The following SHE variants were observed in gnomAD, a reference collection of about 807,000 sequenced individuals.
SHE encodes the protein SH2 domain-containing adapter protein E.
SHE carries 11 observed loss-of-function variants against 49.8 expected under a neutral mutation model. That is an observed-to-expected ratio of 0.22 (90% confidence interval 0.14 to 0.37). The LOEUF is 0.37. Among genes scored for constraint, SHE ranks in the 10% least tolerant of loss-of-function variants. SHE has a pLI of 1.00. For missense variants in SHE, 624 were observed against 655.5 expected (o/e 0.95, Z 0.52); for synonymous variants, 310 against 278.1 (o/e 1.11, Z -1.14).
At position 154,484,119 on chromosome 1, in the gene SHE, C is replaced by T; in HGVS notation, c.*30G>A. 1 of 1,599,086 alleles carries T rather than the reference C, an allele frequency of 6.3e-7. No homozygotes were observed. Among genetic ancestry groups the T allele is most frequent in the Non-Finnish European group, 8.6e-7 (1 of 1,169,298 alleles). On this transcript the variant is annotated 3_prime_UTR_variant, in exon 6 of 6. Transcript: ENST00000304760. Reference sequence around the variant, plus strand: ...GCGCTGATGATGCCCTTGAAGGTGCCAGAGGCCCAGGGCTTGCAGTGGCTG... The same window carrying T: ...GCGCTGATGATGCCCTTGAAGGTGCTAGAGGCCCAGGGCTTGCAGTGGCTG...
chr1:154,488,632 G>A (rs1571051481), intron 3 of SHE, among the ~76,000 whole-genome samples: 1 of 152,238 alleles, frequency 6.6e-6, no homozygotes, highest in South Asian at 2.1e-4. Flanking sequence ...TGTCACCCAG[G>A]TTGAAATGCA....
At chr1:154,477,501 T>C (rs776451381), downstream of SHE, among the ~76,000 whole-genome samples, 3 of 152,072 alleles carry the variant, frequency 2.0e-5, no homozygotes, top group Non-Finnish European at 4.4e-5. Flanking sequence ...CCACTACACT[T>C]GGCCTATGTT....
At chr1:154,477,263 C>T (rs1691899088), downstream of SHE, among the ~76,000 whole-genome samples, 1 of 152,218 alleles carries the variant, frequency 6.6e-6, no homozygotes, top group Non-Finnish European at 1.5e-5. Flanking sequence ...CACAGGTGAC[C>T]TGAATGTCCA....
Position 154,501,893 on chromosome 1 carries a change from A to G in SHE, c.134T>C (p.Phe45Ser). ...PLMAAKWFKE[F>S]PLNLKTVSER... is the part of the protein sequence containing the mutation. Reference sequence around the variant, plus strand: ...CGACACGGTCTTCAGGTTCAGGGGGAACTCCTTGAACCACTTGGCCGCCAT... The same window carrying G: ...CGACACGGTCTTCAGGTTCAGGGGGGACTCCTTGAACCACTTGGCCGCCAT... The change falls in exon 1 of 6, where the codon TTC becomes TCC. Residue 45 changes from phenylalanine to serine, a missense_variant. This residue lies in a region of SHE where 337 missense variants were observed against 306.0 expected (regional missense o/e 1.10). Coordinates refer to ENST00000304760, the MANE Select transcript of SHE (RefSeq NM_001010846.3). 1 of 1,524,814 alleles carries G rather than the reference A, an allele frequency of 6.6e-7. No homozygotes were observed. The highest frequency in any genetic ancestry group is 8.7e-7 in the Non-Finnish European group (1 of 1,143,582). The allele number at this position is 1,524,814 out of a possible 1,614,324, so 94.5% of individuals were successfully genotyped here. A position where few individuals can be genotyped will look rare whatever the true frequency, so the allele number is the denominator to read the frequency against.
intron 2 of SHE, among the ~76,000 whole-genome samples, chr1:154,494,240 A>C (rs1692455265): frequency 6.6e-6 from 1 of 152,234 alleles, no homozygotes; most frequent in Non-Finnish European, 1.5e-5. Flanking sequence ...TCTGAACAAA[A>C]GCAGGTACAA....
chr1:154,486,565 T>C lies in SHE; in HGVS notation c.1143A>G (p.Gly381=). 6.2e-7 allele frequency: 1 copy of C among 1,614,158 alleles called. No homozygotes were observed. Among genetic ancestry groups the C allele is most frequent in the South Asian group, 1.1e-5 (1 of 91,074 alleles). The change falls in exon 4 of 6, where the codon GGA becomes GGG. Residue 381 remains glycine, a synonymous_variant. Coordinates refer to ENST00000304760, the MANE Select transcript of SHE (RefSeq NM_001010846.3). ...LKPALSDHSE[G]EKVDPGLPLE... is the part of the protein sequence containing the mutation. ...GGGGCAGGCCCGGGTCCACTTTCTC[T>C]CCCTCACTGTGGTCCGAGAGGGCTG... is the stretch of plus-strand genomic sequence containing the variant.
At position 154,483,415 on chromosome 1, in the gene SHE, A is replaced by T; in HGVS notation, c.*734T>A. 2 of 985,400 alleles carry T rather than the reference A, an allele frequency of 2.0e-6. No individual in the cohort carries two copies. Among genetic ancestry groups the T allele is most frequent in the Non-Finnish European group, 2.4e-6 (2 of 829,932 alleles). The allele number at this position is 985,400 out of a possible 1,614,324, so 61.0% of individuals were successfully genotyped here. A position where few individuals can be genotyped will look rare whatever the true frequency, so the allele number is the denominator to read the frequency against. On this transcript the variant is annotated 3_prime_UTR_variant, in exon 6 of 6. Coordinates refer to ENST00000304760, the MANE Select transcript of SHE (RefSeq NM_001010846.3). ...CATTCATTTCCCCAATAACGAGTCC[A>T]ATATAACATCCTCTTCCAGTCTGCA...
rs1406407906 is a variant in SHE, at chr1:154,479,967, T to C, written c.*4182A>G. On this transcript the variant is annotated 3_prime_UTR_variant, in exon 6 of 6. Coordinates refer to ENST00000304760, the MANE Select transcript of SHE (RefSeq NM_001010846.3). ...TCCTTCAGAAAGCCCTACCCTTAAATGCACAGCTGCTTTTCCCAACTGCAG... is the reference window on the plus strand; with the variant it reads ...TCCTTCAGAAAGCCCTACCCTTAAACGCACAGCTGCTTTTCCCAACTGCAG... 5 of 985,338 alleles carry C rather than the reference T, an allele frequency of 5.1e-6. No homozygotes were observed. Among genetic ancestry groups the C allele is most frequent in the Non-Finnish European group, 6.0e-6 (5 of 829,954 alleles). The allele number at this position is 985,338 out of a possible 1,614,324, so 61.0% of individuals were successfully genotyped here.
In SHE at chr1:154,489,179, C is replaced by G. The variant is rs776441697; in HGVS notation, c.896G>C (p.Gly299Ala). 4.3e-5 allele frequency: 69 copies of G among 1,614,080 alleles called. No homozygotes were observed. Among genetic ancestry groups the G allele is most frequent in the Non-Finnish European group, 4.4e-5 (52 of 1,180,042 alleles). ...CGCCTTCCCCTCTGCCCTGGGCCCC[C>G]CTTCTGCAGGCTCGTAGGGAGTGTC... is the stretch of plus-strand genomic sequence containing the variant. ...LYDTPYEPAEGGPRAEGKARP... is the reference protein window; with the variant it reads ...LYDTPYEPAEAGPRAEGKARP... Residue 299 changes from glycine (G) to alanine (A), a missense_variant, in exon 3 of 6, where the codon GGG (glycine) becomes GCG (alanine). Physicochemically the swap from Gly to Ala is moderately conservative, Grantham distance 60 (BLOSUM62 0). Coordinates refer to ENST00000304760, the MANE Select transcript of SHE (RefSeq NM_001010846.3).
intron 2 of SHE, among the ~76,000 whole-genome samples, chr1:154,498,448 A>G (rs1347082490): frequency 7.2e-6 from 1 of 139,564 alleles, no homozygotes; most frequent in Non-Finnish European, 1.5e-5. Flanking sequence ...CCCAGGCTGG[A>G]GTGCAGTGGC....
At chr1:154,470,852 TAAAA>T (rs1691724372) in intron 1 of SHE, among the ~76,000 whole-genome samples, 1 of 147,504 alleles carries the variant, frequency 6.8e-6, no homozygotes, top group Non-Finnish European at 1.5e-5. Flanking sequence ...AAATAAAAAA[TAAAA>T]AAAATTTGCC....
Position 154,501,894 on chromosome 1 carries a change from A to T in SHE, c.133T>A (p.Phe45Ile), listed in dbSNP as rs756212050. ...GACACGGTCTTCAGGTTCAGGGGGAACTCCTTGAACCACTTGGCCGCCATG... is the reference window on the plus strand; with the variant it reads ...GACACGGTCTTCAGGTTCAGGGGGATCTCCTTGAACCACTTGGCCGCCATG... ...PLMAAKWFKE[F>I]PLNLKTVSER... Residue 45 changes from phenylalanine (F) to isoleucine (I), a missense_variant, in exon 1 of 6, where the codon TTC (phenylalanine) becomes ATC (isoleucine). Transcript: ENST00000304760. The T allele has an allele frequency of 7.9e-6, 12 of 1,523,842 alleles. No individual in the cohort carries two copies. In the South Asian group the frequency reaches 1.3e-4, roughly 17 times the overall value. The allele number at this position is 1,523,842 out of a possible 1,614,324, so 94.4% of individuals were successfully genotyped here. A position where few individuals can be genotyped will look rare whatever the true frequency, so the allele number is the denominator to read the frequency against.
chr1:154,477,162 C>T (rs1691896255), downstream of SHE, among the ~76,000 whole-genome samples: 1 of 152,194 alleles, frequency 6.6e-6, no homozygotes, highest in Non-Finnish European at 1.5e-5. Flanking sequence ...GAGGATTGTC[C>T]TGGAGGTGGA....
intron 2 of SHE, among the ~76,000 whole-genome samples, chr1:154,491,459 T>C (rs868271398): frequency 3.4e-4 from 52 of 152,228 alleles, no homozygotes; most frequent in Middle Eastern, 3.2e-3. Context: ...ACTCAGCATC[T>C]TCTCCTCTCC....
chr1:154,482,744 A>G lies in SHE; in HGVS notation c.*1405T>C. 2.0e-6 allele frequency: 2 copies of G among 985,400 alleles called. No homozygotes were observed. The highest frequency in any genetic ancestry group is 9.4e-5 in the South Asian group (2 of 21,286). 61.0% of individuals were successfully genotyped at this position (985,400 alleles called of 1,614,324 possible). ...TATAAGCTCATGATAAATCATAAAG[A>G]TCCTAATACTATGAATCTTAAGTAA... On this transcript the variant is annotated 3_prime_UTR_variant, in exon 6 of 6. Coordinates refer to ENST00000304760, the MANE Select transcript of SHE (RefSeq NM_001010846.3).
Position 154,484,149 on chromosome 1 carries a change from T to C in SHE, c.1488A>G (p.Ter496=), listed in dbSNP as rs1309454028. The stretch of plus-strand genomic sequence containing the variant: ...GCCCAGGGCTTGCAGTGGCTGAATC[T>C]TAGTGAAGCTTGCTGTGCACTGGGT... ...LLYPVHSKLH[*] Residue 496 remains the stop codon, a stop_retained_variant, in exon 6 of 6, where the codon TAA becomes TAG. Transcript: ENST00000304760. The C allele has an allele frequency of 1.2e-6, 2 of 1,611,870 alleles. No homozygotes were observed. The highest frequency in any genetic ancestry group is 1.7e-6 in the Non-Finnish European group (2 of 1,178,430).
chr1:154,486,415 G>A (rs927723343), intron 4 of SHE, 112 bp downstream of exon 4: 20 of 1,425,258 alleles, frequency 1.4e-5, no homozygotes, highest in Non-Finnish European at 1.8e-5. Flanking sequence ...CCCCATCCAG[G>A]CAAGTGTTCA....
chr1:154,481,016 T>C lies in SHE; in HGVS notation c.*3133A>G. The C allele has an allele frequency of 2.0e-6, 2 of 985,390 alleles. No individual in the cohort carries two copies. The highest frequency in any genetic ancestry group is 6.1e-5 in the Admixed American group (1 of 16,274). 61.0% of individuals were successfully genotyped at this position (985,390 alleles called of 1,614,324 possible). On this transcript the variant is annotated 3_prime_UTR_variant, in exon 6 of 6. Coordinates refer to ENST00000304760, the MANE Select transcript of SHE (RefSeq NM_001010846.3). ...AAGACATTCTTCTCACCAGAGAATA[T>C]CCTGGGAGATGGAATAACTCGAAGG...
rs1431130569 is a variant in SHE at position 154,480,929 on chromosome 1, G to T, written c.*3220C>A. The T allele has an allele frequency of 2.7e-5, 27 of 985,226 alleles. No homozygotes were observed. Among genetic ancestry groups the T allele is most frequent in the Non-Finnish European group, 3.3e-5 (27 of 829,924 alleles). The allele number at this position is 985,226 out of a possible 1,614,324, so 61.0% of individuals were successfully genotyped here. A position where few individuals can be genotyped will look rare whatever the true frequency, so the allele number is the denominator to read the frequency against. On this transcript the variant is annotated 3_prime_UTR_variant, in exon 6 of 6. Coordinates refer to ENST00000304760, the MANE Select transcript of SHE (RefSeq NM_001010846.3). ...CAAGCAAGTATTTTTTTTAAAGAAG[G>T]TGTGATCAAGAAGAACACTGACACA...
Sources: allele counts gnomAD v4.1 joint callset (sites outside exome capture counted in the v4.1 genomes callset), GRCh38; gene constraint gnomAD v4.1.1; regional missense constraint gnomAD v4.1.1; transcripts MANE v1.5; gene names NCBI Gene and HGNC (gene_info 2026-07-23, HGNC 2026-07-21).